The following ZNF771 variants were observed in gnomAD, a reference collection of about 807,000 sequenced individuals.
The protein encoded by ZNF771 is mesenchymal stem cell protein DSC43.
ZNF771 carries 10 observed loss-of-function variants against 27.6 expected under a neutral mutation model. The observed-to-expected ratio is 0.36, with a 90% CI of 0.22 to 0.61. The LOEUF (loss-of-function observed/expected upper bound fraction) is 0.61. Ranked by LOEUF, ZNF771 falls within the 20% of genes least tolerant of loss-of-function variation. The pLI is 0.70. For synonymous variants in ZNF771, 261 were observed against 225.2 expected, an observed-to-expected ratio of 1.16 and a Z score of -1.43; for missense variants, 438 against 503.7, an observed-to-expected ratio of 0.87 and a Z score of 1.25.
In ZNF771 at chr16:30,417,550, C is replaced by A; in HGVS notation, c.142-5C>A. ...AAGGGCTGACCTATCCCCCTCTCCC[C>A]GCAGGTCCCGGGCGAGGCGCCCGCG... On this transcript the variant is annotated splice_polypyrimidine_tract_variant and splice_region_variant and intron_variant, in intron 2 of 2. Transcript: ENST00000319296. 8.2e-7 allele frequency: 1 copy of A among 1,217,580 alleles called. No individual in the cohort carries two copies. Among genetic ancestry groups the A allele is most frequent in the East Asian group, 3.4e-5 (1 of 29,756 alleles). The allele number at this position is 1,217,580 out of a possible 1,614,324, so 75.4% of individuals were successfully genotyped here. A position where few individuals can be genotyped will look rare whatever the true frequency, so the allele number is the denominator to read the frequency against.
At position 30,419,167 on chromosome 16, in the gene ZNF771, CAG is replaced by C. The variant is rs2050154235; in HGVS notation, c.*803_*804del. The C allele has an allele frequency of 1.3e-5, 2 of 152,180 alleles. No homozygotes were observed. The highest frequency in any genetic ancestry group is 2.9e-5 in the Non-Finnish European group (2 of 68,084). The allele number at this position is 152,180 out of a possible 1,614,324, so 9.4% of individuals were successfully genotyped here. On this transcript the variant is annotated 3_prime_UTR_variant, in exon 3 of 3. Coordinates refer to ENST00000319296, the MANE Select transcript of ZNF771 (RefSeq NM_001142305.2). Reference sequence around the variant, plus strand: ...ATGAGAATCACTTGAACCTGGGAGACAGAGGTTGCAATGAACCGAGATAGTGC... The same window carrying C: ...ATGAGAATCACTTGAACCTGGGAGACAGGTTGCAATGAACCGAGATAGTGC...
Position 30,417,759 on chromosome 16 carries a change from G to C in ZNF771, c.346G>C (p.Glu116Gln), listed in dbSNP as rs2050142239. 47 of 1,431,322 alleles carry C rather than the reference G, an allele frequency of 3.3e-5. No homozygotes were observed. The highest frequency in any genetic ancestry group is 4.3e-5 in the Non-Finnish European group (47 of 1,098,932). 88.7% of individuals were successfully genotyped at this position (1,431,322 alleles called of 1,614,324 possible). ...CAAACACGGCCGCACGCACACGGGC[G>C]AGCGGCCCTACGAGTGCCCCGAGTG... ...LTKHGRTHTG[E>Q]RPYECPECDK... Residue 116 changes from glutamate to glutamine, a missense_variant, in exon 3 of 3, where the codon GAG becomes CAG. By Grantham distance (29) the Glu-to-Gln change is conservative. Coordinates refer to ENST00000319296, the MANE Select transcript of ZNF771 (RefSeq NM_001142305.2).
rs1332308343 is a variant in ZNF771 at position 30,418,429 on chromosome 16, C to T, written c.*62C>T. On this transcript the variant is annotated 3_prime_UTR_variant, in exon 3 of 3. Coordinates refer to ENST00000319296, the MANE Select transcript of ZNF771 (RefSeq NM_001142305.2). ...GACCTGGCTGCACTAACCCAGGCTC[C>T]TCCTCGCCCCGGCCTCCGGGTCTGG... 26 of 1,335,924 alleles carry T rather than the reference C, an allele frequency of 1.9e-5. No homozygotes were observed. Among genetic ancestry groups the T allele is most frequent in the Non-Finnish European group, 2.4e-5 (25 of 1,042,792 alleles). The allele number at this position is 1,335,924 out of a possible 1,614,324, so 82.8% of individuals were successfully genotyped here. A position where few individuals can be genotyped will look rare whatever the true frequency, so the allele number is the denominator to read the frequency against.
Position 30,417,570 on chromosome 16 carries a change from C to A in ZNF771, c.157C>A (p.Pro53Thr). 1.6e-6 allele frequency: 2 copies of A among 1,224,884 alleles called. No individual in the cohort carries two copies. The highest frequency in any genetic ancestry group is 2.0e-6 in the Non-Finnish European group (2 of 985,304). 75.9% of individuals were successfully genotyped at this position (1,224,884 alleles called of 1,614,324 possible). The part of the protein sequence containing the change: ...MDNKEVPGEA[P>T]APSADPARPH... ...CTCCCCGCAGGTCCCGGGCGAGGCG[C>A]CCGCGCCGTCCGCCGACCCGGCGCG... is the stretch of plus-strand genomic sequence containing the variant. Residue 53 changes from proline to threonine, a missense_variant, in exon 3 of 3, where the codon CCC becomes ACC. By Grantham distance (38) the Pro-to-Thr change is conservative (BLOSUM62 -1). Coordinates refer to ENST00000319296, the MANE Select transcript of ZNF771 (RefSeq NM_001142305.2).
intron 2 of ZNF771, chr16:30,413,694 C>G: frequency 3.4e-6 from 1 of 294,362 alleles, no homozygotes; most frequent in South Asian, 2.7e-5. Context: ...CTCGGCCTAC[C>G]AAGTTGTTGG....
intron 2 of ZNF771, among the ~76,000 whole-genome samples, chr16:30,410,639 C>T (rs1046563774): frequency 2.0e-5 from 3 of 151,914 alleles, no homozygotes; most frequent in African/African-American, 7.3e-5. Context: ...GGAAATGAGA[C>T]TGGAAAGGCA....
chr16:30,413,398 G>A (rs926083385), intron 2 of ZNF771, among the ~76,000 whole-genome samples: 1 of 152,068 alleles, frequency 6.6e-6, no homozygotes, highest in Non-Finnish European at 1.5e-5. Flanking sequence ...GATTCACATT[G>A]TTTTGTTAAA....
rs1384705328 is a variant in ZNF771 at position 30,417,913 on chromosome 16, G to C, written c.500G>C (p.Arg167Pro). ...AGCTCCAACTACGCACAGCACCTGCGCGTGCACACGGGCGAGAAGCCGTAC... is the reference window on the plus strand; with the variant it reads ...AGCTCCAACTACGCACAGCACCTGCCCGTGCACACGGGCGAGAAGCCGTAC... ...AQSSNYAQHL[R>P]VHTGEKPYAC... Residue 167 changes from arginine to proline, a missense_variant, in exon 3 of 3, where the codon CGC becomes CCC. Physicochemically the swap from Arg to Pro is moderately radical, Grantham distance 103. Around this residue, in one of 3 missense-constraint regions of ZNF771, gnomAD observed 305 missense variants for 308.0 expected, o/e 0.99. Transcript: ENST00000319296. 13 of 1,520,298 alleles carry C rather than the reference G, an allele frequency of 8.6e-6. No individual in the cohort carries two copies. Among genetic ancestry groups the C allele is most frequent in the Non-Finnish European group, 1.1e-5 (13 of 1,143,612 alleles). 94.2% of individuals were successfully genotyped at this position (1,520,298 alleles called of 1,614,324 possible).
intron 1 of ZNF771, 58 bp from the exon 2 acceptor site, chr16:30,407,987 C>CGGGGGGGGGGGGGGG (rs1205134281): frequency 5.6e-6 from 4 of 719,844 alleles, no homozygotes; most frequent in African/African-American, 9.6e-5. Flanking sequence ...CCACGGTGGG[C>CGGGGGGGGGGGGGGG]GGGGGGGGGG....
intron 2 of ZNF771, among the ~76,000 whole-genome samples, chr16:30,412,129 C>A (rs946599911): frequency 5.9e-5 from 9 of 152,314 alleles, no homozygotes; most frequent in Non-Finnish European, 1.0e-4. Flanking sequence ...CCCATCCCCC[C>A]TTGTGGTCTC....
rs1365712705 is a variant in ZNF771 at position 30,410,713 on chromosome 16, A to G, written c.141+2519A>G. On this transcript the variant is annotated intron_variant, in intron 2 of 2. Coordinates refer to ENST00000319296, the MANE Select transcript of ZNF771 (RefSeq NM_001142305.2). ...GTACTGTGTTAGGTTCTGTGGCACC[A>G]TAAGAAGCCTTAAATCATGGGAAGA... Among the ~76,000 whole-genome samples the G allele has an allele frequency of 2.6e-5, 4 of 152,034 alleles. No individual in the cohort carries two copies. The East Asian group carries it at 7.8e-4, about 30-fold the overall frequency.
Position 30,408,082 on chromosome 16 carries a change from A to G in ZNF771, c.29A>G (p.Glu10Gly). The G allele has an allele frequency of 6.2e-7, 1 of 1,604,420 alleles. No individual in the cohort carries two copies. Among genetic ancestry groups the G allele is most frequent in the East Asian group, 2.3e-5 (1 of 44,352 alleles). The stretch of plus-strand genomic sequence containing the variant: ...CCTGGCGAACAGCAGGCAGAGGAAG[A>G]GGAGGAGGAAGAGATGCAGGAGGAG... MPGEQQAEE[E>G]EEEEMQEEMV... The change falls in exon 2 of 3, where the codon GAG (glutamate) becomes GGG (glycine). Residue 10 changes from glutamate to glycine, a missense_variant. Glu to Gly is a moderately conservative substitution (Grantham distance 98). Transcript: ENST00000319296.
At position 30,417,829 on chromosome 16, in the gene ZNF771, G is replaced by A. The variant is rs2050143357; in HGVS notation, c.416G>A (p.Arg139Gln). ...SAASNLRQHR[R>Q]RHTGEKPYAC... is the part of the protein sequence containing the mutation. ...GCCTCGAACCTGCGGCAGCACCGGC[G>A]GCGGCACACGGGCGAGAAGCCGTAC... Residue 139 changes from arginine to glutamine, a missense_variant, in exon 3 of 3, where the codon CGG (arginine) becomes CAG (glutamine). Coordinates refer to ENST00000319296, the MANE Select transcript of ZNF771 (RefSeq NM_001142305.2). 6.7e-7 allele frequency: 1 copy of A among 1,498,298 alleles called. No homozygotes were observed. The highest frequency in any genetic ancestry group is 1.2e-5 in the South Asian group (1 of 80,332). 92.8% of individuals were successfully genotyped at this position (1,498,298 alleles called of 1,614,324 possible).
At chr16:30,411,452 T>C (rs1289045635) in intron 2 of ZNF771, among the ~76,000 whole-genome samples, 3 of 152,084 alleles carry the variant, frequency 2.0e-5, no homozygotes, top group Admixed American at 6.6e-5. Flanking sequence ...AAAGGGGCCA[T>C]TTAGGAACCT....
At chr16:30,407,987 CG>C (rs1205134281) in intron 1 of ZNF771, 57 bp from the exon 2 acceptor site, 82,673 of 694,066 alleles carry the variant, frequency 0.12, 11 homozygotes, top group African/African-American at 0.2. Flanking sequence ...CCACGGTGGG[CG>C]GGGGGGGGGG....
chr16:30,412,201 C>G (rs2050108091), intron 2 of ZNF771, among the ~76,000 whole-genome samples: 1 of 152,280 alleles, frequency 6.6e-6, no homozygotes, highest in South Asian at 2.1e-4. Flanking sequence ...CTTTTCTCAT[C>G]TAGATCAGTT....
chr16:30,413,528 C>T, intron 2 of ZNF771: 3 of 308,506 alleles, frequency 9.7e-6, no homozygotes, highest in Admixed American at 4.0e-5. Flanking sequence ...TTAAAGTTTG[C>T]CCACATACCA....
At chr16:30,411,116 C>A (rs188998609) in intron 2 of ZNF771, among the ~76,000 whole-genome samples, 1 of 151,780 alleles carries the variant, frequency 6.6e-6, no homozygotes, top group Non-Finnish European at 1.5e-5. Context: ...GTCAGGAGTT[C>A]GAGACCAGCC....
chr16:30,409,132 G>A (rs1416701279), intron 2 of ZNF771, among the ~76,000 whole-genome samples: 1 of 151,704 alleles, frequency 6.6e-6, no homozygotes, highest in Non-Finnish European at 1.5e-5. Context: ...GCACCACCAC[G>A]CCCGGCTAAT....
Sources: gnomAD v4.1 joint callset for allele counts (sites outside exome capture counted in the v4.1 genomes callset) on GRCh38, gnomAD v4.1.1 for gene constraint, gnomAD v4.1.1 regional missense constraint, MANE v1.5 for transcripts, NCBI Gene and HGNC (gene_info 2026-07-23, HGNC 2026-07-21) for gene names.